The following TARBP1 variants were observed in gnomAD, a reference collection of about 807,000 sequenced individuals.
TARBP1 encodes tRNA (guanosine(18)-2'-O)-methyltransferase TARBP1.
Under a neutral mutation model 178.6 loss-of-function variants are expected in TARBP1, and 144 were observed. The observed-to-expected ratio is 0.81, with a 90% confidence interval of 0.70 to 0.93. The LOEUF (loss-of-function observed/expected upper bound fraction) is 0.93. TARBP1 is among the 40% of genes least tolerant of loss of function. The pLI is 0.00. For synonymous variants in TARBP1, 787 were observed against 781.0 expected (o/e 1.01, Z -0.13); for missense variants, 2,067 against 2,011.7 (o/e 1.03, Z -0.53).
At chr1:234,392,628 G>C in intron 28 of TARBP1, 76 bp from the exon 29 acceptor site, 2 of 1,310,920 alleles carry the variant, frequency 1.5e-6, no homozygotes, top group South Asian at 1.3e-5. Context: ...GTTAAAAAAC[G>C]TATTAACCTA....
In TARBP1 at chr1:234,463,865, A is replaced by G. The variant is rs377574683; in HGVS notation, c.1371T>C (p.Tyr457=). 7 of 1,594,630 alleles carry G rather than the reference A, an allele frequency of 4.4e-6. No individual in the cohort carries two copies. Among genetic ancestry groups the G allele is most frequent in the African/African-American group, 2.7e-5 (2 of 74,094 alleles). Residue 457 remains tyrosine, a synonymous_variant, in exon 6 of 30, where the codon TAT becomes TAC. Coordinates refer to ENST00000040877, the MANE Select transcript of TARBP1 (RefSeq NM_005646.4). ...TTATTTCTTCTGGAAGAAGAGAAAT[A>G]TAAGTGACTAAAAACTTCTGTAATT... ...GLKLQKFLVT[Y]ISLLPEEIKS... is the part of the protein sequence containing the mutation.
In TARBP1 at chr1:234,405,918, C is replaced by T. The variant is rs1341965063; in HGVS notation, c.3974G>A (p.Ser1325Asn). Residue 1325 changes from serine (S) to asparagine (N), a missense_variant, in exon 24 of 30, where the codon AGC becomes AAC. By Grantham distance (46) the Ser-to-Asn change is conservative. Transcript: ENST00000040877. ...GGCTCCTTACCCTGCTCCGTGCATGCTTTCCACTTGATGGAGGCTGGATTC... is the reference window on the plus strand; with the variant it reads ...GGCTCCTTACCCTGCTCCGTGCATGTTTTCCACTTGATGGAGGCTGGATTC... ...VIESSLHQVE[S>N]MHGAGNAKKN... 1.9e-6 allele frequency: 3 copies of T among 1,613,930 alleles called. No individual in the cohort carries two copies. Among genetic ancestry groups the T allele is most frequent in the Middle Eastern group, 1.6e-4 (1 of 6,084 alleles).
At position 234,472,824 on chromosome 1, in the gene TARBP1, A is replaced by T; in HGVS notation, c.932-13T>A. ...AACAGACTTGGGCCTGATATGGTTT[A>T]AAAAAGAAAATTAGTTCTTCCTTTT... On this transcript the variant is annotated splice_polypyrimidine_tract_variant and intron_variant, in intron 1 of 29. Transcript: ENST00000040877. 3 of 1,571,262 alleles carry T rather than the reference A, an allele frequency of 1.9e-6. No individual in the cohort carries two copies. The highest frequency in any genetic ancestry group is 2.6e-6 in the Non-Finnish European group (3 of 1,161,838).
chr1:234,456,944 CT>C (rs1667341124), intron 9 of TARBP1, among the ~76,000 whole-genome samples: 1 of 152,130 alleles, frequency 6.6e-6, no homozygotes, highest in Non-Finnish European at 1.5e-5. Context: ...TTCTCAAAAA[CT>C]ATATAACCCA....
chr1:234,404,426 T>C (rs73101929), intron 24 of TARBP1, among the ~76,000 whole-genome samples: 2,413 of 152,308 alleles, frequency 0.016, 52 homozygotes, highest in African/African-American at 0.051. Context: ...GATTACTGCA[T>C]GATAATGCAA....
In TARBP1 at chr1:234,459,270, T is replaced by G; in HGVS notation, c.1592A>C (p.Gln531Pro). ...THQILLRGAA[Q>P]CYLLQTAMNL... ...CATAGCTGTTTGAAGAAGGTAGCAT[T>G]GGGCTGCCCCTCTCAGGAGAATCTG... Residue 531 changes from glutamine (Q) to proline (P), a missense_variant, in exon 8 of 30, where the codon CAA (glutamine) becomes CCA (proline). Coordinates refer to ENST00000040877, the MANE Select transcript of TARBP1 (RefSeq NM_005646.4). 1 of 1,613,266 alleles carries G rather than the reference T, an allele frequency of 6.2e-7. No individual in the cohort carries two copies. Among genetic ancestry groups the G allele is most frequent in the Non-Finnish European group, 8.5e-7 (1 of 1,179,732 alleles).
At chr1:234,410,708 G>A (rs1374517565) in intron 22 of TARBP1, among the ~76,000 whole-genome samples, 177 bp from the exon 23 acceptor site, 2 of 152,200 alleles carry the variant, frequency 1.3e-5, no homozygotes, top group Non-Finnish European at 2.9e-5. Flanking sequence ...TGAAAGCAAA[G>A]GAAATATTTC....
At chr1:234,459,455 G>T in intron 7 of TARBP1, 129 bp from the exon 8 acceptor site, 1 of 680,148 alleles carries the variant, frequency 1.5e-6, no homozygotes, top group Non-Finnish European at 2.4e-6. Flanking sequence ...TTTCAAAGCT[G>T]TTATTTCCCA....
At chr1:234,429,731 CT>C in intron 15 of TARBP1, 54 bp from the exon 16 acceptor site, 2 of 1,444,504 alleles carry the variant, frequency 1.4e-6, no homozygotes, top group Non-Finnish European at 9.3e-7. Context: ...GCCTCCACGT[CT>C]TTTGCACGTA....
At chr1:234,435,348 G>A (rs1055614282) in intron 13 of TARBP1, among the ~76,000 whole-genome samples, 8 of 147,316 alleles carry the variant, frequency 5.4e-5, no homozygotes, top group African/African-American at 1.3e-4. Flanking sequence ...TTACAGGCGC[G>A]GTGGCGCACG....
At chr1:234,421,353 T>G (rs1328532286) in intron 20 of TARBP1, among the ~76,000 whole-genome samples, 1 of 152,176 alleles carries the variant, frequency 6.6e-6, no homozygotes. Flanking sequence ...CCTCCCAAAG[T>G]GCTAGGATTA....
chr1:234,479,054 CG>C lies in TARBP1; in HGVS notation c.49del (p.Arg17GlyfsTer81), dbSNP rs767143840. 4.5e-6 allele frequency: 7 copies of C among 1,539,508 alleles called. No homozygotes were observed. The South Asian group carries it at 7.1e-5, about 16-fold the overall frequency. On this transcript the variant is annotated frameshift_variant, in exon 1 of 30. Coordinates refer to ENST00000040877, the MANE Select transcript of TARBP1 (RefSeq NM_005646.4). LOFTEE classifies it high-confidence loss of function. ...EALLSQSRDPRALLGALCQGE... is the reference protein window; with the variant it reads ...EALLSQSRDPXALLGALCQGE... ...TTGGCACAGCGCCCCAAGCAGGGCC[CG>C]GGGGTCCCGGCTCTGCGAGAGCAGC...
chr1:234,468,548 T>G (rs983086037), intron 3 of TARBP1, among the ~76,000 whole-genome samples: 2 of 152,232 alleles, frequency 1.3e-5, no homozygotes, highest in African/African-American at 4.8e-5. Flanking sequence ...GCATGCAGGT[T>G]GGAACTTCAG....
At chr1:234,423,764 T>G (rs915763147) in intron 20 of TARBP1, among the ~76,000 whole-genome samples, 1 of 151,298 alleles carries the variant, frequency 6.6e-6, no homozygotes, top group Non-Finnish European at 1.5e-5. Flanking sequence ...TTTTTTTTTT[T>G]TTTTAGAGAC....
chr1:234,464,022 A>C (rs569692504), intron 5 of TARBP1, 88 bp from the exon 6 acceptor site: 7 of 664,184 alleles, frequency 1.1e-5, no homozygotes, highest in African/African-American at 1.9e-5. Context: ...CATGGCCCAA[A>C]AGTCTTTCAA....
intron 13 of TARBP1, among the ~76,000 whole-genome samples, chr1:234,436,418 CTAGAATTCATATT>C (rs1212414682): frequency 6.6e-6 from 1 of 152,078 alleles, no homozygotes; most frequent in African/African-American, 2.4e-5. Flanking sequence ...TGTAGGTGTA[CTAGAATTCATATT>C]AATGATTGCT....
rs773929247 is a variant in TARBP1, at chr1:234,437,369, T to G, written c.2138A>C (p.Glu713Ala). 1.3e-5 allele frequency: 20 copies of G among 1,542,974 alleles called. No individual in the cohort carries two copies. The highest frequency in any genetic ancestry group is 1.9e-5 in the Admixed American group (1 of 52,022). The change falls in exon 13 of 30, where the codon GAG becomes GCG. Residue 713 changes from glutamate (E) to alanine (A), a missense_variant. Physicochemically the swap from Glu to Ala is moderately radical, Grantham distance 107. Transcript: ENST00000040877. ...RLKGSSAQDD[E>A]VSTVLQNFFM... ...AAAGTTCTGAAGAACAGTAGACACC[T>G]CATCTGTATGGGGGCAAAAAGCATG...
chr1:234,478,126 G>A (rs1287418143), intron 1 of TARBP1, 47 bp downstream of exon 1: 6 of 1,570,582 alleles, frequency 3.8e-6, no homozygotes, highest in South Asian at 1.1e-5. Context: ...TCCCCTCTGG[G>A]GCAGCCAAGT....
chr1:234,393,377 CCACTGTTCTGCAGAGA>C lies in TARBP1; in HGVS notation c.4529_4544del (p.Val1510GlyfsTer4), dbSNP rs781136924. The C allele has an allele frequency of 6.4e-7, 1 of 1,566,558 alleles. No individual in the cohort carries two copies. The highest frequency in any genetic ancestry group is 8.7e-7 in the Non-Finnish European group (1 of 1,153,882). On this transcript the variant is annotated frameshift_variant, in exon 28 of 30. Coordinates refer to ENST00000040877, the MANE Select transcript of TARBP1 (RefSeq NM_005646.4). LOFTEE classifies it high-confidence loss of function. ...TTCCACCCACCTCCACTAGAGGAAG[CCACTGTTCTGCAGAGA>C]CACTGAGGTGCTGAAACTGTTTGTC... is the stretch of plus-strand genomic sequence containing the variant.
Sources: allele counts gnomAD v4.1 joint callset (sites outside exome capture counted in the v4.1 genomes callset), GRCh38; gene constraint gnomAD v4.1.1; transcripts MANE v1.5; gene names NCBI Gene and HGNC (gene_info 2026-07-23, HGNC 2026-07-21).